SIRPD: variants seen among roughly 807,000 people sequenced by gnomAD.
SIRPD encodes the protein signal-regulatory protein delta.
In SIRPD, 21 loss-of-function variants were observed where a neutral mutation model predicts 18.0. That is an observed-to-expected ratio of 1.17 (90% CI 0.83 to 1.68). The LOEUF is 1.68. SIRPD is among the 40% of genes most tolerant of loss of function. The pLI is 0.00. For synonymous variants in SIRPD, 106 were observed against 92.9 expected (o/e 1.14, Z -0.81); for missense variants, 295 against 238.4 (o/e 1.24, Z -1.56).
intron 1 of SIRPD, among the ~76,000 whole-genome samples, chr20:1,552,367 G>C (rs1306701584): frequency 2.6e-5 from 4 of 152,118 alleles, no homozygotes; most frequent in African/African-American, 9.7e-5. Context: ...TAATTGCCTA[G>C]AGTCACTCGG....
rs539149299 is a variant in SIRPD, at chr20:1,553,649, G to C, written c.74-1611C>G. Among the ~76,000 whole-genome samples, 9 of 152,270 alleles carry C rather than the reference G, an allele frequency of 5.9e-5. 1 individual carries two copies. In the South Asian group the frequency reaches 1.9e-3, roughly 32 times the overall value. Reference sequence around the variant, plus strand: ...TTAGGCCATGCAGTGCACACATGTAGTTGCACCTTGCATATCCAGTATCTT... The same window carrying C: ...TTAGGCCATGCAGTGCACACATGTACTTGCACCTTGCATATCCAGTATCTT... On this transcript the variant is annotated intron_variant, in intron 1 of 3. Transcript: ENST00000381623.
intron 3 of SIRPD, among the ~76,000 whole-genome samples, chr20:1,535,246 T>G (rs954334938): frequency 1.3e-5 from 2 of 152,246 alleles, no homozygotes; most frequent in African/African-American, 4.8e-5. Context: ...AAGTTCGATG[T>G]ATCTAGAAGC....
At chr20:1,554,850 G>T (rs1192699438) in intron 1 of SIRPD, among the ~76,000 whole-genome samples, 1 of 152,180 alleles carries the variant, frequency 6.6e-6, no homozygotes, top group Non-Finnish European at 1.5e-5. Flanking sequence ...GGTTTTTGGA[G>T]TGTAGGATTA....
chr20:1,545,372 A>G (rs2090989250), intron 2 of SIRPD, among the ~76,000 whole-genome samples: 2 of 151,994 alleles, frequency 1.3e-5, no homozygotes, highest in Admixed American at 1.3e-4. Context: ...GTTGATCTTC[A>G]ATCTCTGAAA....
In SIRPD at chr20:1,534,285, A is replaced by G. The variant is rs1192981146; in HGVS notation, c.*140T>C. 8.6e-7 allele frequency: 1 copy of G among 1,168,018 alleles called. No homozygotes were observed. Among genetic ancestry groups the G allele is most frequent in the Admixed American group, 2.1e-5 (1 of 47,704 alleles). 72.4% of individuals were successfully genotyped at this position (1,168,018 alleles called of 1,614,324 possible). A position where few individuals can be genotyped will look rare whatever the true frequency, so the allele number is the denominator to read the frequency against. ...GGTAAATAGACAGATTTATTGTACG[A>G]TCAAGCTGGCATTTTATGTCAGTGG... is the stretch of plus-strand genomic sequence containing the variant. On this transcript the variant is annotated 3_prime_UTR_variant, in exon 4 of 4. Coordinates refer to ENST00000381623, the MANE Select transcript of SIRPD (RefSeq NM_178460.3).
At chr20:1,553,701 T>C (rs959148788) in intron 1 of SIRPD, among the ~76,000 whole-genome samples, 4 of 152,122 alleles carry the variant, frequency 2.6e-5, no homozygotes, top group African/African-American at 9.7e-5. Flanking sequence ...TCCTATGTCA[T>C]TGGGTTCTGG....
chr20:1,546,324 G>A (rs1459500259), intron 2 of SIRPD, among the ~76,000 whole-genome samples: 1 of 152,224 alleles, frequency 6.6e-6, no homozygotes, highest in African/African-American at 2.4e-5. Context: ...TGCACAGAGA[G>A]GAAGAATCTA....
At chr20:1,540,234 A>G in intron 2 of SIRPD, 2 of 451,734 alleles carry the variant, frequency 4.4e-6, no homozygotes, top group Non-Finnish European at 8.9e-6. Context: ...GAAAGGGAAT[A>G]TGTTCTCTCC....
At chr20:1,536,575 C>T (rs1324450963) in intron 3 of SIRPD, among the ~76,000 whole-genome samples, 1 of 152,034 alleles carries the variant, frequency 6.6e-6, no homozygotes, top group Non-Finnish European at 1.5e-5. Context: ...GAACGTAATC[C>T]TAGGTTTCTG....
rs2123108651 is a variant in SIRPD at position 1,534,341 on chromosome 20, A to G, written c.*84T>C. 2 of 1,577,412 alleles carry G rather than the reference A, an allele frequency of 1.3e-6. No homozygotes were observed. The highest frequency in any genetic ancestry group is 1.4e-5 in the African/African-American group (1 of 73,024). On this transcript the variant is annotated 3_prime_UTR_variant, in exon 4 of 4. Transcript: ENST00000381623. ...AGCTCTCTTGAAGAAGGCAAATGAA[A>G]CTCCTAAAAAGTAGCTGTCTCCAGG...
In SIRPD at chr20:1,544,648, G is replaced by A. The variant is rs1403481159; in HGVS notation, c.421+7043C>T. On this transcript the variant is annotated intron_variant, in intron 2 of 3. Transcript: ENST00000381623. ...GGTTAATATTGTTATGTGTGAATTC[G>A]ATCCTGTCATTATGATGCTAGCTGG... 4.6e-5 allele frequency among the ~76,000 whole-genome samples: 7 copies of A among 152,204 alleles called. No homozygotes were observed. In the South Asian group the frequency reaches 6.2e-4, roughly 14 times the overall value.
chr20:1,552,200 G>C (rs1316374780), intron 1 of SIRPD, among the ~76,000 whole-genome samples, 162 bp from the exon 2 acceptor site: 1 of 152,134 alleles, frequency 6.6e-6, no homozygotes, highest in Non-Finnish European at 1.5e-5. Flanking sequence ...CTTCTCCCTA[G>C]AGTGCTGAAG....
At chr20:1,542,358 C>T (rs1395103920) in intron 2 of SIRPD, among the ~76,000 whole-genome samples, 2 of 152,106 alleles carry the variant, frequency 1.3e-5, no homozygotes, top group East Asian at 3.8e-4. Flanking sequence ...CTTCACATCC[C>T]TTGTAAGTTG....
In SIRPD at chr20:1,551,988, A is replaced by T. The variant is rs2091021574; in HGVS notation, c.124T>A (p.Ser42Thr). The T allele has an allele frequency of 6.2e-7, 1 of 1,613,922 alleles. No individual in the cohort carries two copies. The highest frequency in any genetic ancestry group is 1.3e-5 in the African/African-American group (1 of 74,894). Residue 42 changes from serine to threonine, a missense_variant, in exon 2 of 4, where the codon TCA becomes ACA. Transcript: ENST00000381623. Reference protein sequence around the residue: ...VQQTEMSQTVSTGESIILSCS... With the variant: ...VQQTEMSQTVTTGESIILSCS... ...CTCAAGATGATTGACTCCCCAGTTGATACAGTCTGTGACATCTCCGTTTGT... is the reference window on the plus strand; with the variant it reads ...CTCAAGATGATTGACTCCCCAGTTGTTACAGTCTGTGACATCTCCGTTTGT...
intron 2 of SIRPD, among the ~76,000 whole-genome samples, chr20:1,544,882 T>A (rs1221644128): frequency 6.6e-6 from 1 of 152,230 alleles, no homozygotes; most frequent in Non-Finnish European, 1.5e-5. Context: ...GAAGCTTTTT[T>A]TGGCTGGATA....
chr20:1,551,633 A>G (rs963538045), intron 2 of SIRPD, 58 bp downstream of exon 2: 14 of 1,323,422 alleles, frequency 1.1e-5, no homozygotes, highest in Admixed American at 4.2e-5. Flanking sequence ...AATAGAAGAC[A>G]TAACTGCTGA....
intron 1 of SIRPD, chr20:1,553,881 T>A (rs2091029303): frequency 6.6e-6 from 1 of 152,576 alleles, no homozygotes; most frequent in Non-Finnish European, 1.5e-5. Context: ...ATTTGGTACA[T>A]GGTGAAGGGT....
chr20:1,537,766 T>C (rs2256251), intron 2 of SIRPD, among the ~76,000 whole-genome samples: 54,251 of 152,164 alleles, frequency 0.36, 11,391 homozygotes, highest in Non-Finnish European at 0.47. Context: ...TGGGAGGCTT[T>C]GGCTCTTCAA....
At chr20:1,555,855 C>T (rs2091038305) in intron 1 of SIRPD, among the ~76,000 whole-genome samples, 1 of 152,200 alleles carries the variant, frequency 6.6e-6, no homozygotes, top group South Asian at 2.1e-4. Context: ...GCTGGGTTCT[C>T]TGCTTCAAGG....
Sources: allele counts gnomAD v4.1 joint callset (sites outside exome capture counted in the v4.1 genomes callset), GRCh38; gene constraint gnomAD v4.1.1; transcripts MANE v1.5; gene names NCBI Gene and HGNC (gene_info 2026-07-23, HGNC 2026-07-21).